ACO1: variants seen among roughly 807,000 people sequenced by gnomAD.
The protein encoded by ACO1 is aconitase 1.
In ACO1, 78 loss-of-function variants were observed where a neutral mutation model predicts 105.1. The ratio of observed to expected loss-of-function variants is 0.74; its 90% CI spans 0.62 to 0.90. ACO1 has a LOEUF of 0.90. Among genes scored for constraint, ACO1 ranks in the 40% least tolerant of loss-of-function variants. The pLI is 0.00. For synonymous variants in ACO1, 364 were observed against 397.4 expected, an observed-to-expected ratio of 0.92 and a Z score of 1.00; for missense variants, 965 against 1,111.1, an observed-to-expected ratio of 0.87 and a Z score of 1.87.
chr9:32,384,710 G>A lies in ACO1; in HGVS notation c.-48G>A, dbSNP rs1245407729. The A allele has an allele frequency of 2.4e-6, 1 of 412,828 alleles. No individual in the cohort carries two copies. Among genetic ancestry groups the A allele is most frequent in the Non-Finnish European group, 4.8e-6 (1 of 207,604 alleles). 25.6% of individuals were successfully genotyped at this position (412,828 alleles called of 1,614,324 possible). A position where few individuals can be genotyped will look rare whatever the true frequency, so the allele number is the denominator to read the frequency against. On this transcript the variant is annotated 5_prime_UTR_variant, in exon 1 of 21. Coordinates refer to ENST00000309951, the MANE Select transcript of ACO1 (RefSeq NM_002197.3). ...GCTGCTTGGGTCAGGTTCGCCGGTCGCGGGAGCCCCGCCGTGCAGTCGGAG... is the reference window on the plus strand; with the variant it reads ...GCTGCTTGGGTCAGGTTCGCCGGTCACGGGAGCCCCGCCGTGCAGTCGGAG...
rs1822751540 is a variant in ACO1, at chr9:32,450,857, CTG to C, written c.*750_*751del. ...GAAAACTTGTTGACTTTGAGTTTTG[CTG>C]TGTTTGTGGCTAGAGTTTTGGGATA... On this transcript the variant is annotated 3_prime_UTR_variant, in exon 21 of 21. Coordinates refer to ENST00000309951, the MANE Select transcript of ACO1 (RefSeq NM_002197.3). 2 of 150,012 alleles carry C rather than the reference CTG, an allele frequency of 1.3e-5. No individual in the cohort carries two copies. Among genetic ancestry groups the C allele is most frequent in the Admixed American group, 1.3e-4 (2 of 15,122 alleles). The allele number at this position is 150,012 out of a possible 1,614,324, so 9.3% of individuals were successfully genotyped here.
intron 4 of ACO1, among the ~76,000 whole-genome samples, chr9:32,412,546 C>G (rs1427395519): frequency 1.3e-5 from 2 of 152,174 alleles, no homozygotes; most frequent in Admixed American, 1.3e-4. Context: ...TTGCTAACAT[C>G]CAAACCAGAT....
At chr9:32,399,972 T>TTTTG (rs1554659159) in intron 1 of ACO1, among the ~76,000 whole-genome samples, 1 of 125,082 alleles carries the variant, frequency 8.0e-6, no homozygotes, top group Non-Finnish European at 1.6e-5. Context: ...TTCTGTTTTT[T>TTTTG]TTTTTTTTTT....
chr9:32,433,628 C>A, intron 15 of ACO1, 100 bp from the exon 16 acceptor site: 1 of 854,224 alleles, frequency 1.2e-6, no homozygotes, highest in Non-Finnish European at 1.8e-6. Flanking sequence ...AAAAATGGTT[C>A]TTAGTGTACC....
chr9:32,452,861 G>A lies in ACO1; in HGVS notation c.*2750G>A, dbSNP rs1002570813. 1 of 151,928 alleles carries A rather than the reference G, an allele frequency of 6.6e-6. No individual in the cohort carries two copies. The allele number at this position is 151,928 out of a possible 1,614,324, so 9.4% of individuals were successfully genotyped here. A position where few individuals can be genotyped will look rare whatever the true frequency, so the allele number is the denominator to read the frequency against. ...CACCTGTGGTCCCAGCTGTTCAGGA[G>A]GCTGAGGTGGGAGGATCACTTGAGC... On this transcript the variant is annotated 3_prime_UTR_variant, in exon 21 of 21. Transcript: ENST00000309951.
At chr9:32,386,196 G>A (rs118032295) in intron 1 of ACO1, among the ~76,000 whole-genome samples, 2,265 of 152,322 alleles carry the variant, frequency 0.015, 25 homozygotes, top group Non-Finnish European at 0.021. Flanking sequence ...AAGTGTGTAG[G>A]GGTTCCTGTG....
At chr9:32,401,513 C>T (rs1821495544) in intron 1 of ACO1, among the ~76,000 whole-genome samples, 2 of 152,014 alleles carry the variant, frequency 1.3e-5, no homozygotes. Flanking sequence ...TTACTAAAAA[C>T]TCAACATTCT....
chr9:32,423,013 T>C (rs576868576), intron 8 of ACO1, among the ~76,000 whole-genome samples: 127 of 152,298 alleles, frequency 8.3e-4, no homozygotes, highest in African/African-American at 3.0e-3. Flanking sequence ...AGGTGTAAGA[T>C]TCTCCTAATT....
chr9:32,444,220 A>T (rs573456543), intron 19 of ACO1, among the ~76,000 whole-genome samples: 1 of 152,120 alleles, frequency 6.6e-6, no homozygotes, highest in African/African-American at 2.4e-5. Flanking sequence ...CAGTCTATCA[A>T]TCATTGATGG....
rs1406138904 is a variant in ACO1 at position 32,423,419 on chromosome 9, G to C, written c.1071G>C (p.Gln357His). Residue 357 changes from glutamine to histidine, a missense_variant and splice_region_variant, in exon 9 of 21, where the codon CAG (glutamine) becomes CAC (histidine). Physicochemically the swap from Gln to His is conservative, Grantham distance 24. Transcript: ENST00000309951. ...CTTCTCAAGACCCAGACTTCACCCA[G>C]GTATGAGAGTGCCTTCCACTGTGCA... The part of the protein sequence containing the change: ...NDPSQDPDFT[Q>H]VVELDLKTVV... The C allele has an allele frequency of 6.3e-7, 1 of 1,583,928 alleles. No individual in the cohort carries two copies. The highest frequency in any genetic ancestry group is 1.8e-5 in the Admixed American group (1 of 56,886).
At chr9:32,428,876 A>G (rs937251408) in intron 12 of ACO1, among the ~76,000 whole-genome samples, 4 of 152,054 alleles carry the variant, frequency 2.6e-5, no homozygotes, top group African/African-American at 7.2e-5. Context: ...GTTTGTTTAT[A>G]CCAGCATCAT....
intron 19 of ACO1, among the ~76,000 whole-genome samples, chr9:32,441,758 G>C (rs1822485743): frequency 6.6e-6 from 1 of 152,216 alleles, no homozygotes; most frequent in Non-Finnish European, 1.5e-5. Context: ...GGGTTCTCTA[G>C]AGTCCAGACT....
intron 1 of ACO1, among the ~76,000 whole-genome samples, chr9:32,399,313 G>T (rs552308341): frequency 9.2e-5 from 14 of 152,328 alleles, no homozygotes; most frequent in Admixed American, 4.6e-4. Flanking sequence ...TACAAAAGAA[G>T]AAGTTTAGAT....
chr9:32,434,003 C>T (rs1033895476), intron 16 of ACO1, among the ~76,000 whole-genome samples, 171 bp downstream of exon 16: 10 of 152,092 alleles, frequency 6.6e-5, no homozygotes, highest in South Asian at 2.1e-4. Flanking sequence ...ATTTGGCTGC[C>T]GTGGGTCTAT....
intron 2 of ACO1, 86 bp downstream of exon 2, chr9:32,405,689 A>G: frequency 2.0e-6 from 2 of 982,916 alleles, no homozygotes; most frequent in South Asian, 3.2e-5. Context: ...GAGAGTTTGA[A>G]GAGGGAGTAG....
chr9:32,418,087 TAA>T, intron 4 of ACO1, 39 bp from the exon 5 acceptor site: 1 of 1,585,272 alleles, frequency 6.3e-7, no homozygotes, highest in South Asian at 1.1e-5. Context: ...ACTAATATGT[TAA>T]GTCTCAAATT....
chr9:32,397,920 G>A (rs552973860), intron 1 of ACO1, among the ~76,000 whole-genome samples: 2 of 152,294 alleles, frequency 1.3e-5, no homozygotes, highest in African/African-American at 4.8e-5. Flanking sequence ...CAGTACTTTA[G>A]ACCATAGAGA....
intron 4 of ACO1, among the ~76,000 whole-genome samples, chr9:32,415,975 A>C (rs1821838383): frequency 6.6e-6 from 1 of 152,180 alleles, no homozygotes; most frequent in Non-Finnish European, 1.5e-5. Flanking sequence ...GCTGGGTTGT[A>C]GACCCCAGCC....
intron 7 of ACO1, 137 bp from the exon 8 acceptor site, chr9:32,420,719 T>C: frequency 1.2e-6 from 1 of 854,918 alleles, no homozygotes; most frequent in Non-Finnish European, 1.8e-6. Context: ...GTTTTGAAAG[T>C]GATCACAAAT....
Sources: gnomAD v4.1 joint callset for allele counts (sites outside exome capture counted in the v4.1 genomes callset) on GRCh38, gnomAD v4.1.1 for gene constraint, MANE v1.5 for transcripts, NCBI Gene and HGNC (gene_info 2026-07-23, HGNC 2026-07-21) for gene names.